RPS6KC1: variants seen among roughly 807,000 people sequenced by gnomAD.
The protein encoded by RPS6KC1 is inactive ribosomal protein S6 kinase delta-1.
A neutral mutation model predicts 103.8 loss-of-function variants in RPS6KC1; 54 were observed. The observed-to-expected ratio is 0.52, with a 90% CI of 0.42 to 0.65. The LOEUF (loss-of-function observed/expected upper bound fraction) is 0.65, where lower values mean the gene tolerates loss of function less well. Ranked by LOEUF, RPS6KC1 falls within the 30% of genes least tolerant of loss-of-function variation. The pLI, the probability that RPS6KC1 is intolerant of heterozygous loss-of-function variation, is 0.00. For missense variants in RPS6KC1, 1,151 were observed against 1,253.8 expected (o/e 0.92, Z 1.24); for synonymous variants, 439 against 438.7 (o/e 1.00, Z -0.01).
chr1:213,179,287 C>T (rs940490870), intron 8 of RPS6KC1, among the ~76,000 whole-genome samples: 1 of 151,610 alleles, frequency 6.6e-6, no homozygotes, highest in South Asian at 2.1e-4. Context: ...TTGCGGTGGG[C>T]GCCTGTAATC....
At chr1:213,551,733 C>T in the RPS6KC1 span, among the ~76,000 whole-genome samples, 248 of 152,218 alleles carry the variant, frequency 1.6e-3, 1 homozygote, top group African/African-American at 5.6e-3. Flanking sequence ...CCATCGTTTA[C>T]GCCGGGGTTC....
chr1:213,318,441 G>A, the RPS6KC1 span, among the ~76,000 whole-genome samples: 1 of 152,156 alleles, frequency 6.6e-6, no homozygotes, highest in Non-Finnish European at 1.5e-5. Flanking sequence ...TGCGCTGCTT[G>A]GACTGCATCA....
At chr1:213,602,029 TC>T in the RPS6KC1 span, among the ~76,000 whole-genome samples, 393 of 6,776 alleles carry the variant, frequency 0.058, 77 homozygotes, top group African/African-American at 0.1. Flanking sequence ...TCTTTCTTTC[TC>T]TTTCTCTTTC....
chr1:213,465,229 T>G, the RPS6KC1 span, among the ~76,000 whole-genome samples: 1 of 152,186 alleles, frequency 6.6e-6, no homozygotes, highest in Non-Finnish European at 1.5e-5. Flanking sequence ...CTAGGGAATA[T>G]GACTCAAAAC....
chr1:213,206,286 A>T (rs2093347524), intron 8 of RPS6KC1, among the ~76,000 whole-genome samples: 1 of 152,230 alleles, frequency 6.6e-6, no homozygotes, highest in Admixed American at 6.5e-5. Context: ...CTTTAAGGTT[A>T]TCTGACCCAG....
At chr1:213,098,173 T>C (rs2081643407) in intron 3 of RPS6KC1, among the ~76,000 whole-genome samples, 1 of 152,146 alleles carries the variant, frequency 6.6e-6, no homozygotes, top group Non-Finnish European at 1.5e-5. Flanking sequence ...TGGAGTGTAG[T>C]GATGCGATCA....
intron 14 of RPS6KC1, among the ~76,000 whole-genome samples, chr1:213,271,159 C>T (rs1197855419): frequency 6.6e-6 from 1 of 152,086 alleles, no homozygotes; most frequent in Non-Finnish European, 1.5e-5. Flanking sequence ...TTCATTATAG[C>T]CCCAAACTGG....
chr1:213,334,589 G>A, the RPS6KC1 span, among the ~76,000 whole-genome samples: 5 of 152,162 alleles, frequency 3.3e-5, no homozygotes, highest in Admixed American at 6.5e-5. Flanking sequence ...CAACTCAGTC[G>A]AACATAGCTT....
chr1:213,474,219 C>T, the RPS6KC1 span, among the ~76,000 whole-genome samples: 1 of 152,106 alleles, frequency 6.6e-6, no homozygotes, highest in African/African-American at 2.4e-5. Flanking sequence ...TGGGGTTGCT[C>T]GGTGGATGTC....
chr1:213,152,533 G>A (rs1320473234), intron 6 of RPS6KC1, among the ~76,000 whole-genome samples: 6 of 151,012 alleles, frequency 4.0e-5, no homozygotes, highest in African/African-American at 9.7e-5. Flanking sequence ...CGGGGCGGCC[G>A]GGTAGAGATG....
the RPS6KC1 span, among the ~76,000 whole-genome samples, chr1:213,799,863 A>G: frequency 5.8e-3 from 882 of 152,308 alleles, 11 homozygotes; most frequent in African/African-American, 0.02. Flanking sequence ...AATACCATAG[A>G]CTGAGTGGCT....
the RPS6KC1 span, among the ~76,000 whole-genome samples, chr1:213,363,823 T>TCTC: frequency 8.9e-5 from 8 of 90,046 alleles, no homozygotes; most frequent in African/African-American, 1.5e-4. Flanking sequence ...TCTTCTCTCT[T>TCTC]TTTTTTTTTT....
the RPS6KC1 span, among the ~76,000 whole-genome samples, chr1:213,723,489 G>T: frequency 6.6e-6 from 1 of 152,052 alleles, no homozygotes; most frequent in South Asian, 2.1e-4. Flanking sequence ...TGTGGTATAT[G>T]GGTGTTTCCT....
At chr1:213,177,123 G>GT (rs1322481860) in intron 8 of RPS6KC1, among the ~76,000 whole-genome samples, 1 of 152,036 alleles carries the variant, frequency 6.6e-6, no homozygotes, top group African/African-American at 2.4e-5. Context: ...AATTTTAGGG[G>GT]TAAAAATACT....
chr1:213,295,596 A>G, the RPS6KC1 span, among the ~76,000 whole-genome samples: 1 of 152,344 alleles, frequency 6.6e-6, no homozygotes, highest in South Asian at 2.1e-4. Flanking sequence ...ACAATTCTTA[A>G]TTCTTTAAGT....
intron 6 of RPS6KC1, among the ~76,000 whole-genome samples, chr1:213,148,495 G>T (rs555498888): frequency 3.5e-4 from 53 of 152,270 alleles, no homozygotes; most frequent in Admixed American, 1.1e-3. Context: ...ATTTGCATAT[G>T]TTGAGCCATC....
chr1:213,220,308 C>T (rs997896972), intron 8 of RPS6KC1, among the ~76,000 whole-genome samples: 3 of 152,184 alleles, frequency 2.0e-5, no homozygotes, highest in East Asian at 3.9e-4. Flanking sequence ...TCAGAATTAA[C>T]ACAAAAAAAT....
intron 6 of RPS6KC1, among the ~76,000 whole-genome samples, chr1:213,136,947 G>A (rs112473986): frequency 0.013 from 1,962 of 152,232 alleles, 47 homozygotes; most frequent in African/African-American, 0.045. Context: ...TCCTGCCTCA[G>A]CCTCCCAAAA....
intron 6 of RPS6KC1, among the ~76,000 whole-genome samples, chr1:213,142,841 C>T (rs954290242): frequency 6.6e-6 from 1 of 152,014 alleles, no homozygotes; most frequent in Non-Finnish European, 1.5e-5. Flanking sequence ...CTATTGCACT[C>T]GTAGTACACT....
Sources: gnomAD v4.1 joint callset for allele counts (sites outside exome capture counted in the v4.1 genomes callset) on GRCh38, gnomAD v4.1.1 for gene constraint, MANE v1.5 for transcripts, NCBI Gene and HGNC (gene_info 2026-07-23, HGNC 2026-07-21) for gene names.